ZFP64: variants seen among roughly 807,000 people sequenced by gnomAD.
ZFP64 encodes ZFP64 zinc finger protein.
In ZFP64, 14 loss-of-function variants were observed where a neutral mutation model predicts 51.6. The ratio of observed to expected loss-of-function variants is 0.27; its 90% CI spans 0.18 to 0.42. The LOEUF is 0.42. ZFP64 is among the 10% of genes least tolerant of loss of function. The pLI is 1.00. For missense variants in ZFP64, 754 were observed against 906.8 expected, an observed-to-expected ratio of 0.83 and a Z score of 2.16; for synonymous variants, 375 against 361.4, an observed-to-expected ratio of 1.04 and a Z score of -0.43.
chr20:52,113,391 G>T (rs970337577), intron 5 of ZFP64, among the ~76,000 whole-genome samples: 7 of 146,858 alleles, frequency 4.8e-5, no homozygotes, highest in Admixed American at 4.1e-4. Flanking sequence ...CTTATTTATT[G>T]ATCATTACCC....
chr20:52,189,393 C>CA (rs11352168), intron 1 of ZFP64, among the ~76,000 whole-genome samples: 2,197 of 129,200 alleles, frequency 0.017, 43 homozygotes, highest in Non-Finnish European at 0.023. Context: ...GACTTCATCT[C>CA]AAAAAAAAAA....
At chr20:52,118,566 C>T (rs62216890) in intron 5 of ZFP64, among the ~76,000 whole-genome samples, 26,738 of 152,130 alleles carry the variant, frequency 0.18, 2,510 homozygotes, top group Non-Finnish European at 0.21. Flanking sequence ...ATGCCACAGT[C>T]GGCCTGCCTG....
At chr20:52,144,599 A>AAAAAAAAAAAAAAAAAAG in intron 5 of ZFP64, among the ~76,000 whole-genome samples, 1 of 149,258 alleles carries the variant, frequency 6.7e-6, no homozygotes, top group Non-Finnish European at 1.5e-5. Flanking sequence ...AAAAAAAAAA[A>AAAAAAAAAAAAAAAAAAG]AAATGCTGAA....
At chr20:52,156,179 C>T (rs1981304700) in intron 5 of ZFP64, among the ~76,000 whole-genome samples, 2 of 152,212 alleles carry the variant, frequency 1.3e-5, no homozygotes, top group Non-Finnish European at 2.9e-5. Context: ...ATGCCAATGT[C>T]TGAACTTGCT....
intron 2 of ZFP64, among the ~76,000 whole-genome samples, chr20:52,167,910 A>G (rs1568693501): frequency 2.6e-5 from 4 of 152,190 alleles, no homozygotes; most frequent in Non-Finnish European, 5.9e-5. Context: ...TTTTCTCTTA[A>G]ACACTATATT....
chr20:52,142,378 A>ACACACACACACACACGCGCGCG lies in ZFP64; in HGVS notation c.763+17744_763+17745insCGCGCGCGTGTGTGTGTGTGTG, dbSNP rs1555804621. Among the ~76,000 whole-genome samples, 138 of 38,342 alleles carry ACACACACACACACACGCGCGCG rather than the reference A, an allele frequency of 3.6e-3. 1 individual carries two copies. The highest frequency in any genetic ancestry group is 0.011 in the East Asian group (9 of 854). The allele number at this position is 38,342 out of a possible 152,430, so 25.2% of individuals were successfully genotyped here. A position where few individuals can be genotyped will look rare whatever the true frequency, so the allele number is the denominator to read the frequency against. On this transcript the variant is annotated intron_variant, in intron 5 of 8. Coordinates refer to the ZFP64 transcript ENST00000361387. Reference sequence around the variant, plus strand: ...GTGAGACTTCATCACACACACACAGACACACACACACACACACACACACAC... The same window carrying ACACACACACACACACGCGCGCG: ...GTGAGACTTCATCACACACACACAGACACACACACACACACGCGCGCGCACACACACACACACACACACACAC...
At chr20:52,119,225 C>A (rs969796580) in intron 5 of ZFP64, among the ~76,000 whole-genome samples, 2 of 151,518 alleles carry the variant, frequency 1.3e-5, no homozygotes, top group Non-Finnish European at 2.9e-5. Context: ...TGTACAAAGA[C>A]CAGGAGGGAA....
At chr20:52,164,616 T>C in intron 4 of ZFP64, 79 bp downstream of exon 4, 1 of 1,214,918 alleles carries the variant, frequency 8.2e-7, no homozygotes, top group South Asian at 1.2e-5. Context: ...GTGGTATCAT[T>C]CGTCTGACCT....
intron 5 of ZFP64, chr20:52,110,355 C>G: frequency 1.9e-6 from 1 of 523,380 alleles, no homozygotes; most frequent in Non-Finnish European, 3.4e-6. Flanking sequence ...TACAACTCCT[C>G]GTTCTCAGCC....
intron 5 of ZFP64, chr20:52,117,701 G>C (rs1020891180): frequency 4.4e-6 from 2 of 456,334 alleles, no homozygotes; most frequent in African/African-American, 4.0e-5. Context: ...GTGCAGCATG[G>C]GTGTGGACCA....
At position 52,162,318 on chromosome 20, in the gene ZFP64, G is replaced by A. The variant is rs1453958491; in HGVS notation, c.512-1944C>T. 4.1e-5 allele frequency among the ~76,000 whole-genome samples: 6 copies of A among 145,940 alleles called. No homozygotes were observed. The East Asian group carries it at 1.0e-3, about 26-fold the overall frequency. On this transcript the variant is annotated intron_variant, in intron 4 of 5. Transcript: ENST00000216923. ...ATCTCAAAAGGAAAAAAAAAAATTAGCATTTTTATTATTAAACATTTTAGT... is the reference window on the plus strand; with the variant it reads ...ATCTCAAAAGGAAAAAAAAAAATTAACATTTTTATTATTAAACATTTTAGT...
intron 5 of ZFP64, among the ~76,000 whole-genome samples, chr20:52,157,462 T>C (rs1413476225): frequency 3.3e-5 from 5 of 152,120 alleles, no homozygotes; most frequent in Non-Finnish European, 7.4e-5. Context: ...TTCTCAAAGG[T>C]ACATTTTGCA....
chr20:52,093,200 GCA>G (rs969123657), intron 7 of ZFP64, among the ~76,000 whole-genome samples: 22 of 152,086 alleles, frequency 1.4e-4, no homozygotes, highest in African/African-American at 5.1e-4. Flanking sequence ...GAGTGCAGTG[GCA>G]CGATTTTGGT....
At chr20:52,092,946 C>T (rs749844234) in intron 7 of ZFP64, among the ~76,000 whole-genome samples, 8 of 152,034 alleles carry the variant, frequency 5.3e-5, no homozygotes, top group Non-Finnish European at 1.0e-4. Context: ...GTTTATTGTT[C>T]GCAAGTATTT....
chr20:52,170,691 AC>A (rs1188508690), intron 2 of ZFP64, among the ~76,000 whole-genome samples: 1 of 152,196 alleles, frequency 6.6e-6, no homozygotes, highest in Non-Finnish European at 1.5e-5. Flanking sequence ...AGGATCAGAA[AC>A]CAGGCATGTA....
chr20:52,160,093 C>T lies in ZFP64; in HGVS notation c.763+30G>A, dbSNP rs754277537. ...GATTTATGCCATAGAAAGTGAGGAG[C>T]GTAGAGAGCAAATAACAGGCAGGAC... On this transcript the variant is annotated intron_variant, in intron 5 of 5. Coordinates refer to ENST00000216923, the MANE Select transcript of ZFP64 (RefSeq NM_018197.3). The surrounding 1 kb of genome is among the most constrained non-coding windows in gnomAD (Gnocchi z 4.2). The T allele has an allele frequency of 6.2e-7, 1 of 1,613,950 alleles. No homozygotes were observed. Among genetic ancestry groups the T allele is most frequent in the South Asian group, 1.1e-5 (1 of 91,062 alleles).
chr20:52,097,452 GATTT>G (rs2079001110), intron 6 of ZFP64: 1 of 1,521,140 alleles, frequency 6.6e-7, no homozygotes, highest in African/African-American at 1.6e-5. Flanking sequence ...AAGAAAAATA[GATTT>G]TTTTTTTTTT....
intron 5 of ZFP64, among the ~76,000 whole-genome samples, chr20:52,102,329 T>C (rs551608471): frequency 9.9e-5 from 15 of 152,088 alleles, no homozygotes; most frequent in Non-Finnish European, 2.1e-4. Context: ...AGTTCCTGAT[T>C]GAGTAGGTAT....
At chr20:52,102,876 G>A (rs576287595) in intron 5 of ZFP64, among the ~76,000 whole-genome samples, 1 of 152,296 alleles carries the variant, frequency 6.6e-6, no homozygotes, top group South Asian at 2.1e-4. Flanking sequence ...CTGTATAAAT[G>A]CTATTAGTGT....
Sources: gnomAD v4.1 joint callset for allele counts (sites outside exome capture counted in the v4.1 genomes callset) on GRCh38, gnomAD v4.1.1 for gene constraint, Gnocchi (gnomAD v3.1) non-coding constraint, MANE v1.5 for transcripts, NCBI Gene and HGNC (gene_info 2026-07-23, HGNC 2026-07-21) for gene names.